DSCAM: variants seen among roughly 807,000 people sequenced by gnomAD.
DSCAM encodes cell adhesion molecule DSCAM.
A neutral mutation model predicts 217.7 loss-of-function variants in DSCAM; 47 were observed. The observed-to-expected ratio is 0.22, with a 90% CI of 0.17 to 0.28. The LOEUF (loss-of-function observed/expected upper bound fraction) is 0.28, where lower values mean the gene tolerates loss of function less well. DSCAM is among the 10% of genes least tolerant of loss of function. The pLI is 1.00. For synonymous variants in DSCAM, 1,056 were observed against 1,015.3 expected, an observed-to-expected ratio of 1.04 and a Z score of -0.76; for missense variants, 2,080 against 2,618.3, an observed-to-expected ratio of 0.79 and a Z score of 4.49.
At chr21:40,054,006 G>T (rs542128766) in intron 29 of DSCAM, among the ~76,000 whole-genome samples, 1 of 152,132 alleles carries the variant, frequency 6.6e-6, no homozygotes. Flanking sequence ...TTCCTATGTT[G>T]GCTGGAAGGG....
chr21:40,612,721 G>T (rs980705061), intron 3 of DSCAM, among the ~76,000 whole-genome samples: 10 of 152,188 alleles, frequency 6.6e-5, no homozygotes, highest in African/African-American at 2.4e-4. Flanking sequence ...CCCTCTGGCT[G>T]AAGTGTGGAG....
chr21:40,063,373 G>T (rs2089152254), intron 27 of DSCAM, among the ~76,000 whole-genome samples: 1 of 151,626 alleles, frequency 6.6e-6, no homozygotes, highest in African/African-American at 2.4e-5. Flanking sequence ...AAACTTAGAT[G>T]TTTATTTTGA....
At chr21:40,277,940 T>C (rs1214097798) in intron 10 of DSCAM, among the ~76,000 whole-genome samples, 1 of 151,380 alleles carries the variant, frequency 6.6e-6, no homozygotes, top group East Asian at 1.9e-4. Flanking sequence ...AGAATATAAC[T>C]GTATTTACTG....
chr21:40,522,017 A>T (rs1407434613), intron 3 of DSCAM, among the ~76,000 whole-genome samples: 1 of 152,208 alleles, frequency 6.6e-6, no homozygotes, highest in Non-Finnish European at 1.5e-5. Context: ...AAATATATTT[A>T]AAAATGCATA....
rs561851393 is a variant in DSCAM, at chr21:40,799,788, A to C, written c.43+46831T>G. On this transcript the variant is annotated intron_variant, in intron 1 of 32. Transcript: ENST00000400454. ...AGATTCTTGTGATTACATTAGGCTT[A>C]ATAGTTAATCCAAAATAATCTTCTA... Among the ~76,000 whole-genome samples the C allele has an allele frequency of 5.3e-4, 80 of 152,314 alleles. No individual in the cohort carries two copies. In the South Asian group the frequency reaches 0.016, roughly 30 times the overall value.
At chr21:40,615,358 C>T (rs1426291530) in intron 3 of DSCAM, 1 of 150,090 alleles carries the variant, frequency 6.7e-6, no homozygotes, top group Admixed American at 6.6e-5. Flanking sequence ...GCAATTTTCT[C>T]TAAATGATGA....
chr21:40,139,062 T>A (rs1316160396), intron 18 of DSCAM, among the ~76,000 whole-genome samples: 2 of 146,504 alleles, frequency 1.4e-5, no homozygotes, highest in East Asian at 4.1e-4. Flanking sequence ...TGTGTATGTA[T>A]GTGTGGTGTG....
chr21:40,232,486 T>C (rs1337694683), intron 11 of DSCAM, among the ~76,000 whole-genome samples: 4 of 152,194 alleles, frequency 2.6e-5, no homozygotes, highest in Non-Finnish European at 5.9e-5. Context: ...TACAAGGGAC[T>C]TCTCTGGTTA....
intron 11 of DSCAM, among the ~76,000 whole-genome samples, chr21:40,238,319 G>A (rs965268594): frequency 6.6e-6 from 1 of 152,226 alleles, no homozygotes; most frequent in Non-Finnish European, 1.5e-5. Context: ...TACTCAGGAT[G>A]TGGCACTCCA....
chr21:40,551,922 G>A (rs571245228), intron 3 of DSCAM, among the ~76,000 whole-genome samples: 19 of 152,080 alleles, frequency 1.2e-4, no homozygotes, highest in African/African-American at 4.6e-4. Flanking sequence ...TGGCCAAGAG[G>A]GTGTGTCCAT....
chr21:40,213,035 A>T (rs2091200890), intron 11 of DSCAM, among the ~76,000 whole-genome samples: 1 of 152,198 alleles, frequency 6.6e-6, no homozygotes, highest in South Asian at 2.1e-4. Context: ...AGCCCTGCTG[A>T]CTTCTTGATT....
At chr21:40,335,776 C>T (rs1347860756) in intron 8 of DSCAM, among the ~76,000 whole-genome samples, 1 of 152,098 alleles carries the variant, frequency 6.6e-6, no homozygotes, top group African/African-American at 2.4e-5. Flanking sequence ...ATCCCTGAGA[C>T]AATTTTAGGT....
At chr21:40,818,775 G>A (rs1025373534) in intron 1 of DSCAM, among the ~76,000 whole-genome samples, 2 of 152,000 alleles carry the variant, frequency 1.3e-5, no homozygotes, top group African/African-American at 4.8e-5. Flanking sequence ...TTTTGAAGAT[G>A]TGATAAAATC....
In DSCAM at chr21:40,016,770, G is replaced by A. The variant is rs1425419192; in HGVS notation, c.5687-3384C>T. 6.6e-6 allele frequency among the ~76,000 whole-genome samples: 1 copy of A among 152,172 alleles called. No homozygotes were observed. Among genetic ancestry groups the A allele is most frequent in the African/African-American group, 2.4e-5 (1 of 41,436 alleles). On this transcript the variant is annotated intron_variant, in intron 32 of 32. Transcript: ENST00000400454. The surrounding 1 kb of genome is among the most constrained non-coding windows in gnomAD (Gnocchi z 4.3). ...GACAGTGTTTAAAGCCTGAACCTTA[G>A]GAAACACCTTCAAGTTTACCCACAG... is the stretch of plus-strand genomic sequence containing the variant.
chr21:40,763,949 A>T (rs933534915), intron 1 of DSCAM, among the ~76,000 whole-genome samples: 1 of 152,210 alleles, frequency 6.6e-6, no homozygotes, highest in East Asian at 1.9e-4. Flanking sequence ...TTAACTCAAG[A>T]TGGATTAAAG....
intron 30 of DSCAM, among the ~76,000 whole-genome samples, chr21:40,047,031 A>T (rs80001455): frequency 0.048 from 7,300 of 151,852 alleles, 322 homozygotes; most frequent in African/African-American, 0.12. Context: ...TTTTTTCTAG[A>T]TGAGGACAGT....
chr21:40,824,393 TTTA>T lies in DSCAM; in HGVS notation c.43+22223_43+22225del, dbSNP rs1370305499. Among the ~76,000 whole-genome samples the T allele has an allele frequency of 2.0e-5, 3 of 147,260 alleles. No individual in the cohort carries two copies. In the Admixed American group the frequency reaches 2.1e-4, roughly 10 times the overall value. On this transcript the variant is annotated intron_variant, in intron 1 of 32. Transcript: ENST00000400454. ...TCCACAATCTGCTCCCTATCCCATT[TTTA>T]TTATTGATTTTTTTTTTTTTTTTTG...
chr21:40,673,119 A>G (rs973504616), intron 3 of DSCAM, among the ~76,000 whole-genome samples: 1 of 152,006 alleles, frequency 6.6e-6, no homozygotes, highest in Non-Finnish European at 1.5e-5. Flanking sequence ...CTGACTCCCT[A>G]TCCAAGCTCA....
chr21:40,547,036 A>C (rs1362186167), intron 3 of DSCAM, among the ~76,000 whole-genome samples: 1 of 152,036 alleles, frequency 6.6e-6, no homozygotes, highest in Non-Finnish European at 1.5e-5. Context: ...CCCTCATAAC[A>C]TCAAGCAGAG....
Sources: gnomAD v4.1 joint callset for allele counts (sites outside exome capture counted in the v4.1 genomes callset) on GRCh38, gnomAD v4.1.1 for gene constraint, Gnocchi (gnomAD v3.1) non-coding constraint, MANE v1.5 for transcripts, NCBI Gene and HGNC (gene_info 2026-07-23, HGNC 2026-07-21) for gene names.